The following ADARB2 variants were observed in gnomAD, a reference collection of about 807,000 sequenced individuals.
The protein encoded by ADARB2 is adenosine deaminase RNA specific B2 (inactive), also known as inactive double-stranded RNA-specific editase B2.
A neutral mutation model predicts 62.2 loss-of-function variants in ADARB2; 25 were observed. The ratio of observed to expected loss-of-function variants is 0.40; its 90% confidence interval spans 0.29 to 0.56. The LOEUF is 0.56. ADARB2 is among the 20% of genes least tolerant of loss of function. ADARB2 has a pLI of 0.43. For missense variants in ADARB2, 1,071 were observed against 1,077.4 expected (o/e 0.99, Z 0.08); for synonymous variants, 572 against 500.8 (o/e 1.14, Z -1.90).
chr10:1,484,368 G>A (rs1831516148), intron 1 of ADARB2, among the ~76,000 whole-genome samples: 1 of 152,232 alleles, frequency 6.6e-6, no homozygotes, highest in Non-Finnish European at 1.5e-5. Flanking sequence ...AGAAGGAGAA[G>A]TTGCCGGACA....
chr10:1,211,705 C>T (rs1227466155), intron 7 of ADARB2, among the ~76,000 whole-genome samples: 2 of 151,604 alleles, frequency 1.3e-5, no homozygotes, highest in Admixed American at 6.6e-5. Flanking sequence ...ATTTCAAGGG[C>T]CCAGTGTGAG....
chr10:1,497,700 G>C (rs568806547), intron 1 of ADARB2, among the ~76,000 whole-genome samples: 1 of 152,142 alleles, frequency 6.6e-6, no homozygotes. Context: ...AACTTGTTCT[G>C]AGGAAATAAA....
intron 1 of ADARB2, among the ~76,000 whole-genome samples, chr10:1,733,626 C>A (rs560889117): frequency 5.9e-5 from 9 of 152,000 alleles, no homozygotes; most frequent in African/African-American, 1.2e-4. Flanking sequence ...CCTGGTTGAA[C>A]GGATATTAAC....
chr10:1,403,729 G>A (rs993016851), intron 1 of ADARB2, among the ~76,000 whole-genome samples: 3 of 152,180 alleles, frequency 2.0e-5, no homozygotes, highest in Admixed American at 2.0e-4. Context: ...CCTGCAGCAA[G>A]GACAAGTTCC....
chr10:1,494,877 C>A (rs1831668059), intron 1 of ADARB2, among the ~76,000 whole-genome samples: 1 of 152,092 alleles, frequency 6.6e-6, no homozygotes, highest in Admixed American at 6.6e-5. Flanking sequence ...TCAGGATGAA[C>A]CATCACCCAT....
At chr10:1,303,744 T>A (rs1478471462) in intron 3 of ADARB2, among the ~76,000 whole-genome samples, 4 of 152,190 alleles carry the variant, frequency 2.6e-5, no homozygotes, top group African/African-American at 7.2e-5. Context: ...AAAAGAATTT[T>A]CAACCCAGAA....
intron 1 of ADARB2, among the ~76,000 whole-genome samples, chr10:1,428,262 C>G (rs1830729765): frequency 6.6e-6 from 1 of 151,194 alleles, no homozygotes; most frequent in African/African-American, 2.4e-5. Flanking sequence ...AGTGAGCCAC[C>G]ACACCTGCCT....
intron 1 of ADARB2, among the ~76,000 whole-genome samples, chr10:1,608,678 AAGG>A (rs1833525786): frequency 1.3e-5 from 2 of 150,726 alleles, no homozygotes; most frequent in Admixed American, 6.6e-5. Flanking sequence ...GAAAAAATGG[AAGG>A]AGGAGGAAAA....
At chr10:1,332,475 AGTTTT>A (rs1330615075) in intron 3 of ADARB2, among the ~76,000 whole-genome samples, 1 of 103,676 alleles carries the variant, frequency 9.6e-6, no homozygotes, top group Non-Finnish European at 2.2e-5. Flanking sequence ...AACTAGCATC[AGTTTT>A]GTTTTTTTTT....
chr10:1,691,381 A>T (rs1484079727), intron 1 of ADARB2, among the ~76,000 whole-genome samples: 1 of 152,140 alleles, frequency 6.6e-6, no homozygotes, highest in African/African-American at 2.4e-5. Flanking sequence ...TTTTGTTATG[A>T]CAGCCCCAGA....
rs139329993 is a variant in ADARB2, at chr10:1,736,362, A to G, written c.100+689T>C. On this transcript the variant is annotated intron_variant, in intron 1 of 9. Coordinates refer to ENST00000381312, the MANE Select transcript of ADARB2 (RefSeq NM_018702.4). ...CGGCCCAGCCCCAGGAATATCAGTA[A>G]CAAGGCACAGCTGAGTTTGTCAGTG... is the stretch of plus-strand genomic sequence containing the variant. Among the ~76,000 whole-genome samples, 247 of 152,330 alleles carry G rather than the reference A, an allele frequency of 1.6e-3. 1 individual carries two copies. Among genetic ancestry groups the G allele is most frequent in the African/African-American group, 5.5e-3 (229 of 41,572 alleles).
intron 3 of ADARB2, among the ~76,000 whole-genome samples, chr10:1,332,967 G>T (rs75003919): frequency 1.3e-5 from 2 of 152,312 alleles, no homozygotes; most frequent in East Asian, 3.9e-4. Context: ...TGTTGATGGT[G>T]GCAGAGCCAG....
chr10:1,240,538 C>T, intron 5 of ADARB2: 1 of 152,736 alleles, frequency 6.5e-6, no homozygotes, highest in Non-Finnish European at 1.5e-5. Flanking sequence ...TGTGCCTGCA[C>T]TCTGCCCACA....
At chr10:1,567,771 T>C (rs577661667) in intron 1 of ADARB2, among the ~76,000 whole-genome samples, 2 of 152,176 alleles carry the variant, frequency 1.3e-5, no homozygotes, top group Non-Finnish European at 2.9e-5. Context: ...ATTCGTCCAC[T>C]ACCATGCGCA....
chr10:1,673,686 G>A (rs568246325), intron 1 of ADARB2, among the ~76,000 whole-genome samples: 165 of 152,278 alleles, frequency 1.1e-3, no homozygotes, highest in African/African-American at 3.8e-3. Flanking sequence ...AGGAAAGGGC[G>A]AATCCCTCCA....
At chr10:1,389,783 A>ATAAT in intron 1 of ADARB2, among the ~76,000 whole-genome samples, 1 of 149,076 alleles carries the variant, frequency 6.7e-6, no homozygotes, top group East Asian at 2.0e-4. Flanking sequence ...AAATAAATAA[A>ATAAT]TAATAAATAA....
chr10:1,668,537 T>C (rs1450657597), intron 1 of ADARB2, among the ~76,000 whole-genome samples: 1 of 152,114 alleles, frequency 6.6e-6, no homozygotes, highest in African/African-American at 2.4e-5. Context: ...GAAGCAGTGG[T>C]GGGGCTGATC....
Position 1,503,351 on chromosome 10 carries a change from TA to T in ADARB2, c.101-124192del, listed in dbSNP as rs1409028635. On this transcript the variant is annotated intron_variant, in intron 1 of 9. Transcript: ENST00000381312. ...ACAGGCACACGCCACCATACCCAGC[TA>T]TTTTTTTTTTTTTTTTAGAGATGGG... 7.7e-5 allele frequency among the ~76,000 whole-genome samples: 10 copies of T among 130,492 alleles called. No homozygotes were observed. In the Admixed American group the frequency reaches 7.8e-4, roughly 10 times the overall value. The allele number at this position is 130,492 out of a possible 152,430, so 85.6% of individuals were successfully genotyped here. A position where few individuals can be genotyped will look rare whatever the true frequency, so the allele number is the denominator to read the frequency against.
intron 7 of ADARB2, among the ~76,000 whole-genome samples, chr10:1,204,076 A>G (rs1837019153): frequency 6.6e-6 from 1 of 151,972 alleles, no homozygotes; most frequent in South Asian, 2.1e-4. Context: ...GGACAGTTGA[A>G]TCTCTGGCCA....
Sources: gnomAD v4.1 joint callset for allele counts (sites outside exome capture counted in the v4.1 genomes callset) on GRCh38, gnomAD v4.1.1 for gene constraint, MANE v1.5 for transcripts, NCBI Gene and HGNC (gene_info 2026-07-23, HGNC 2026-07-21) for gene names.